Variants in EPYC observed in about 807,000 individuals in gnomAD.
EPYC encodes the protein epiphycan.
In EPYC, 28 loss-of-function variants were observed where a neutral mutation model predicts 30.1. The observed-to-expected ratio is 0.93, with a 90% CI of 0.69 to 1.28. The LOEUF (loss-of-function observed/expected upper bound fraction) is 1.28, where lower values mean the gene tolerates loss of function less well. Ranked by LOEUF, EPYC falls within the 50% of genes most tolerant of loss-of-function variation. The pLI is 0.00. For synonymous variants in EPYC, 144 were observed against 141.4 expected, an observed-to-expected ratio of 1.02 and a Z score of -0.13; for missense variants, 382 against 383.5, an observed-to-expected ratio of 1.00 and a Z score of 0.03.
chr12:90,975,297 A>T (rs1038048369), intron 3 of EPYC, among the ~76,000 whole-genome samples: 5 of 151,996 alleles, frequency 3.3e-5, no homozygotes, highest in Non-Finnish European at 1.5e-5. Flanking sequence ...TGCTTAGGGT[A>T]ATTTATATAT....
rs199845057 is a variant in EPYC at position 90,972,871 on chromosome 12, G to C, written c.450C>G (p.Ser150=). Residue 150 remains serine (S), a synonymous_variant, in exon 4 of 7, where the codon TCC becomes TCG. Transcript: ENST00000261172. The part of the protein sequence containing the change: ...PLPKNTAYFY[S]RFNRIKKINK... ...TGATCTTTTTAATTCTGTTAAAGCG[G>C]GAATAGAAATAAGCGGTGTTCTTTG... is the stretch of plus-strand genomic sequence containing the variant. 1 of 1,613,532 alleles carries C rather than the reference G, an allele frequency of 6.2e-7. No homozygotes were observed. The highest frequency in any genetic ancestry group is 2.2e-5 in the East Asian group (1 of 44,814).
chr12:90,975,219 T>C (rs943127298), intron 3 of EPYC, among the ~76,000 whole-genome samples: 2 of 152,086 alleles, frequency 1.3e-5, no homozygotes, highest in Non-Finnish European at 2.9e-5. Context: ...TTTCTACTCA[T>C]AAAAATTTTA....
At chr12:90,973,164 T>G (rs908144272) in intron 3 of EPYC, among the ~76,000 whole-genome samples, 184 bp from the exon 4 acceptor site, 6 of 152,026 alleles carry the variant, frequency 3.9e-5, no homozygotes, top group Non-Finnish European at 7.4e-5. Flanking sequence ...GTCTCAACAA[T>G]TAGTATATTC....
chr12:90,979,272 A>G (rs2120828725), intron 2 of EPYC, among the ~76,000 whole-genome samples: 1 of 152,264 alleles, frequency 6.6e-6, no homozygotes, highest in South Asian at 2.1e-4. Flanking sequence ...TTTGTGGCCC[A>G]GTGTCCTTGT....
chr12:90,970,176 T>G, intron 5 of EPYC, 37 bp from the exon 6 acceptor site: 1 of 1,444,766 alleles, frequency 6.9e-7, no homozygotes, highest in Non-Finnish European at 9.7e-7. Context: ...CAATAAAAAC[T>G]CAATAAAAAC....
chr12:91,000,830 A>G (rs1474192062), intron 2 of EPYC, among the ~76,000 whole-genome samples: 1 of 152,114 alleles, frequency 6.6e-6, no homozygotes, highest in Non-Finnish European at 1.5e-5. Context: ...AGATGAAAAA[A>G]GAAGCAAGGC....
At chr12:90,975,368 A>G (rs1436387139) in intron 3 of EPYC, among the ~76,000 whole-genome samples, 1 of 151,992 alleles carries the variant, frequency 6.6e-6, no homozygotes, top group Non-Finnish European at 1.5e-5. Context: ...GCTATATTAC[A>G]CGGTTTTAGA....
In EPYC at chr12:90,975,245, G is replaced by A. The variant is rs560328041; in HGVS notation, c.341-2265C>T. 2.6e-5 allele frequency among the ~76,000 whole-genome samples: 4 copies of A among 152,024 alleles called. No homozygotes were observed. In the East Asian group the frequency reaches 7.7e-4, roughly 29 times the overall value. ...AAAAATTTTAAGAGTTAAGGCATTT[G>A]ATTCTTCTATATATTTATCACCTTG... On this transcript the variant is annotated intron_variant, in intron 3 of 6. Coordinates refer to ENST00000261172, the MANE Select transcript of EPYC (RefSeq NM_004950.5).
At chr12:90,996,634 T>C (rs1877698596) in intron 2 of EPYC, among the ~76,000 whole-genome samples, 1 of 152,024 alleles carries the variant, frequency 6.6e-6, no homozygotes, top group African/African-American at 2.4e-5. Flanking sequence ...TCATCATCTG[T>C]AACTGCTGTA....
chr12:90,978,259 C>T lies in EPYC; in HGVS notation c.169G>A (p.Glu57Lys). ...ENIPVDKVEI[E>K]IATVMPSGNR... ...CCTGAAGGCATCACTGTGGCTATTTCAATCTGAAAAAAAAAAAAAAAAGAG... is the reference window on the plus strand; with the variant it reads ...CCTGAAGGCATCACTGTGGCTATTTTAATCTGAAAAAAAAAAAAAAAAGAG... The change falls in exon 3 of 7, where the codon GAA becomes AAA. Residue 57 changes from glutamate (E) to lysine (K), a missense_variant. Transcript: ENST00000261172. 7.7e-7 allele frequency: 1 copy of T among 1,302,608 alleles called. No individual in the cohort carries two copies. The highest frequency in any genetic ancestry group is 1.0e-6 in the Non-Finnish European group (1 of 972,012). 80.7% of individuals were successfully genotyped at this position (1,302,608 alleles called of 1,614,324 possible).
intron 1 of EPYC, among the ~76,000 whole-genome samples, chr12:91,004,027 G>A (rs977074095): frequency 1.3e-5 from 2 of 152,054 alleles, no homozygotes; most frequent in African/African-American, 4.8e-5. Context: ...AGAAGTCTTT[G>A]CAGGATTGCA....
In EPYC at chr12:90,971,908, C is replaced by T. The variant is rs755839141; in HGVS notation, c.594G>A (p.Leu198=). 6.2e-7 allele frequency: 1 copy of T among 1,612,160 alleles called. No homozygotes were observed. The highest frequency in any genetic ancestry group is 2.2e-5 in the East Asian group (1 of 44,718). The change falls in exon 5 of 7, where the codon CTG becomes CTA. Residue 198 remains leucine (L), a synonymous_variant. Coordinates refer to ENST00000261172, the MANE Select transcript of EPYC (RefSeq NM_004950.5). ...RKLPQLRELV[L]RDNKIRQLPE... is the part of the protein sequence containing the mutation. ...GGAGCTGCCTTATTTTGTTGTCACG[C>T]AGGACAAGCTCTCGAAGTTGAGGCA...
intron 6 of EPYC, 39 bp from the exon 7 acceptor site, chr12:90,964,365 C>T: frequency 1.3e-6 from 2 of 1,482,670 alleles, no homozygotes; most frequent in Non-Finnish European, 1.9e-6. Flanking sequence ...AGATATAACA[C>T]ATTCTTAGTA....
intron 2 of EPYC, among the ~76,000 whole-genome samples, chr12:90,981,590 G>A (rs919436516): frequency 6.6e-6 from 1 of 151,986 alleles, no homozygotes; most frequent in South Asian, 2.1e-4. Context: ...TTGCCCCTTA[G>A]CAGAAAGTGC....
chr12:90,972,816 C>A lies in EPYC; in HGVS notation c.499+6G>T. The A allele has an allele frequency of 6.2e-7, 1 of 1,612,246 alleles. No individual in the cohort carries two copies. The highest frequency in any genetic ancestry group is 8.5e-7 in the Non-Finnish European group (1 of 1,178,836). Reference sequence around the variant, plus strand: ...CGGTGAAGGCCGTTAATGCTGTCATCCATACTTAGGCTTGCAAAGTCATTT... The same window carrying A: ...CGGTGAAGGCCGTTAATGCTGTCATACATACTTAGGCTTGCAAAGTCATTT... On this transcript the variant is annotated splice_donor_region_variant and intron_variant, in intron 4 of 6. Transcript: ENST00000261172.
At chr12:90,975,923 A>G (rs1053315504) in intron 3 of EPYC, among the ~76,000 whole-genome samples, 1 of 152,122 alleles carries the variant, frequency 6.6e-6, no homozygotes, top group Non-Finnish European at 1.5e-5. Context: ...TCTATGTTGC[A>G]TTCCACATAT....
chr12:90,997,789 G>A lies in EPYC; in HGVS notation c.165+4612C>T, dbSNP rs746922564. Among the ~76,000 whole-genome samples, 69 of 151,954 alleles carry A rather than the reference G, an allele frequency of 4.5e-4. 1 individual carries two copies. Among genetic ancestry groups the A allele is most frequent in the Non-Finnish European group, 2.9e-5 (2 of 67,938 alleles). ...TTTCTTATAATAATTAGATAACAGA[G>A]TCCATTATCTATAAAGGTTACCTCT... On this transcript the variant is annotated intron_variant, in intron 2 of 6. Transcript: ENST00000261172.
At chr12:90,973,007 A>T (rs1877093800) in intron 3 of EPYC, 27 bp from the exon 4 acceptor site, 1 of 1,475,416 alleles carries the variant, frequency 6.8e-7, no homozygotes, top group South Asian at 1.3e-5. Context: ...AATAAAATTA[A>T]ATGTAAGTAC....
At chr12:90,985,674 A>G (rs1443696074) in intron 2 of EPYC, among the ~76,000 whole-genome samples, 2 of 151,524 alleles carry the variant, frequency 1.3e-5, no homozygotes, top group African/African-American at 4.8e-5. Context: ...CCAACGAGAA[A>G]CAAGCTGCCC....
Sources: gnomAD v4.1 joint callset for allele counts (sites outside exome capture counted in the v4.1 genomes callset) on GRCh38, gnomAD v4.1.1 for gene constraint, MANE v1.5 for transcripts, NCBI Gene and HGNC (gene_info 2026-07-23, HGNC 2026-07-21) for gene names.